The following HOOK3 variants were observed in gnomAD, a reference collection of about 807,000 sequenced individuals.
HOOK3 encodes hook microtubule tethering protein 3.
In HOOK3, 24 loss-of-function variants were observed where a neutral mutation model predicts 116.3. The ratio of observed to expected loss-of-function variants is 0.21; its 90% CI spans 0.15 to 0.29. HOOK3 has a LOEUF of 0.29. Among genes scored for constraint, HOOK3 ranks in the 10% least tolerant of loss-of-function variants. The pLI is 1.00. For synonymous variants in HOOK3, 275 were observed against 283.0 expected, an observed-to-expected ratio of 0.97 and a Z score of 0.28; for missense variants, 632 against 830.2, an observed-to-expected ratio of 0.76 and a Z score of 2.93.
chr8:43,023,525 T>A lies in HOOK3; in HGVS notation c.*5027T>A. The stretch of plus-strand genomic sequence containing the variant: ...TGGAGTGCAGAGGCACGATCCTGGC[T>A]GACTGCAAACTCTGCCTACCAGGTT... On this transcript the variant is annotated 3_prime_UTR_variant, in exon 22 of 22. Coordinates refer to ENST00000307602, the MANE Select transcript of HOOK3 (RefSeq NM_032410.4). The A allele has an allele frequency of 5.8e-6, 1 of 171,354 alleles. No individual in the cohort carries two copies. Among genetic ancestry groups the A allele is most frequent in the Non-Finnish European group, 1.3e-5 (1 of 79,112 alleles). The allele number at this position is 171,354 out of a possible 1,614,324, so 10.6% of individuals were successfully genotyped here. A position where few individuals can be genotyped will look rare whatever the true frequency, so the allele number is the denominator to read the frequency against.
intron 2 of HOOK3, among the ~76,000 whole-genome samples, chr8:42,918,779 G>T (rs1317564719): frequency 6.6e-6 from 1 of 152,226 alleles, no homozygotes; most frequent in Non-Finnish European, 1.5e-5. Context: ...CAAGGCAGAA[G>T]AATTTTTCTT....
At position 42,961,868 on chromosome 8, in the gene HOOK3, C is replaced by T. The variant is rs1048728919; in HGVS notation, c.616-2443C>T. Among the ~76,000 whole-genome samples the T allele has an allele frequency of 1.2e-4, 18 of 152,138 alleles. No individual in the cohort carries two copies. In the Middle Eastern group the frequency reaches 0.01, roughly 86 times the overall value. Reference sequence around the variant, plus strand: ...GTGGTGCAATCTTGGCTCACTGCAACCTCCGCCTCCTGGGCTAAAGCAATC... The same window carrying T: ...GTGGTGCAATCTTGGCTCACTGCAATCTCCGCCTCCTGGGCTAAAGCAATC... On this transcript the variant is annotated intron_variant, in intron 8 of 21. Transcript: ENST00000307602.
intron 13 of HOOK3, 92 bp downstream of exon 13, chr8:42,974,286 A>G (rs1808778500): frequency 1.1e-6 from 1 of 921,080 alleles, no homozygotes; most frequent in Non-Finnish European, 1.8e-6. Context: ...GTGCAATGGC[A>G]CTGTCTTGGC....
At chr8:42,907,957 A>G (rs1428928255) in intron 2 of HOOK3, among the ~76,000 whole-genome samples, 3 of 152,168 alleles carry the variant, frequency 2.0e-5, no homozygotes, top group African/African-American at 7.2e-5. Context: ...GACCTGGTAA[A>G]TGAATACAGT....
At chr8:42,993,169 C>T (rs757244647) in intron 15 of HOOK3, among the ~76,000 whole-genome samples, 1 of 152,126 alleles carries the variant, frequency 6.6e-6, no homozygotes, top group South Asian at 2.1e-4. Flanking sequence ...CCCATTTGGT[C>T]ATAATAAATG....
intron 6 of HOOK3, among the ~76,000 whole-genome samples, chr8:42,953,491 G>A (rs1808380072): frequency 6.6e-6 from 1 of 151,688 alleles, no homozygotes; most frequent in Admixed American, 6.6e-5. Context: ...TTCAATTTGG[G>A]AGCCGGAGGT....
At chr8:42,925,132 CTG>C (rs1716636519) in intron 2 of HOOK3, among the ~76,000 whole-genome samples, 1 of 152,012 alleles carries the variant, frequency 6.6e-6, no homozygotes, top group South Asian at 2.1e-4. Flanking sequence ...GGGTCTCACT[CTG>C]TTGCCCAGGC....
intron 5 of HOOK3, 95 bp from the exon 6 acceptor site, chr8:42,950,293 G>A: frequency 1.3e-6 from 1 of 799,664 alleles, no homozygotes; most frequent in Non-Finnish European, 2.1e-6. Context: ...CAAAACACAG[G>A]GAAATGACTT....
chr8:42,950,257 G>C, intron 5 of HOOK3, 131 bp from the exon 6 acceptor site: 1 of 638,328 alleles, frequency 1.6e-6, no homozygotes, highest in Non-Finnish European at 2.8e-6. Flanking sequence ...ACATTTAATG[G>C]TGTATGTGGG....
At chr8:42,984,185 T>A (rs1009154901) in intron 14 of HOOK3, among the ~76,000 whole-genome samples, 1 of 151,990 alleles carries the variant, frequency 6.6e-6, no homozygotes, top group Non-Finnish European at 1.5e-5. Context: ...CTGACCAACA[T>A]GGCGAAACCC....
intron 6 of HOOK3, among the ~76,000 whole-genome samples, chr8:42,956,680 G>A (rs907416821): frequency 2.6e-5 from 4 of 152,142 alleles, no homozygotes; most frequent in Non-Finnish European, 5.9e-5. Flanking sequence ...CGCCTCCCAG[G>A]TTCAAGTGAT....
At chr8:42,899,203 CT>C (rs1350886136) in intron 1 of HOOK3, among the ~76,000 whole-genome samples, 3 of 152,286 alleles carry the variant, frequency 2.0e-5, no homozygotes, top group Non-Finnish European at 4.4e-5. Context: ...TGAAGGCCTG[CT>C]GACAGAACCT....
intron 15 of HOOK3, among the ~76,000 whole-genome samples, chr8:42,987,361 A>G (rs1419004027): frequency 6.6e-6 from 1 of 152,174 alleles, no homozygotes; most frequent in Admixed American, 6.6e-5. Context: ...CCAGAGCTCT[A>G]CCATTTACCC....
intron 8 of HOOK3, among the ~76,000 whole-genome samples, chr8:42,961,560 A>G (rs987547822): frequency 1.3e-5 from 2 of 152,228 alleles, no homozygotes; most frequent in African/African-American, 4.8e-5. Flanking sequence ...GAATGACTCA[A>G]GTTGCTATAA....
intron 1 of HOOK3, among the ~76,000 whole-genome samples, chr8:42,897,933 G>A (rs1423577442): frequency 1.3e-5 from 2 of 152,194 alleles, no homozygotes; most frequent in Admixed American, 6.5e-5. Context: ...CGCGGCCGGG[G>A]AGGGGGAGGG....
Position 43,012,943 on chromosome 8 carries a change from T to A in HOOK3, c.1840-108T>A, listed in dbSNP as rs991685561. 29 of 732,654 alleles carry A rather than the reference T, an allele frequency of 4.0e-5. No individual in the cohort carries two copies. In the South Asian group the frequency reaches 5.7e-4, roughly 14 times the overall value. 45.4% of individuals were successfully genotyped at this position (732,654 alleles called of 1,614,324 possible). On this transcript the variant is annotated intron_variant, in intron 19 of 21. Coordinates refer to ENST00000307602, the MANE Select transcript of HOOK3 (RefSeq NM_032410.4). ...ATACCCTTGTAAGATAACCTTTGATTTTTCATAAGTTTATCCTTTTATTTT... is the reference window on the plus strand; with the variant it reads ...ATACCCTTGTAAGATAACCTTTGATATTTCATAAGTTTATCCTTTTATTTT...
chr8:43,013,538 T>A, intron 21 of HOOK3, 138 bp downstream of exon 21: 1 of 647,042 alleles, frequency 1.5e-6, no homozygotes, highest in Non-Finnish European at 2.4e-6. Flanking sequence ...AACAGAATCT[T>A]AATGTTATTT....
rs1810000005 is a variant in HOOK3 at position 43,029,967 on chromosome 8, T to G, written c.*11469T>G. 1 of 214,154 alleles carries G rather than the reference T, an allele frequency of 4.7e-6. No homozygotes were observed. The highest frequency in any genetic ancestry group is 1.9e-4 in the South Asian group (1 of 5,372). The allele number at this position is 214,154 out of a possible 1,614,324, so 13.3% of individuals were successfully genotyped here. A position where few individuals can be genotyped will look rare whatever the true frequency, so the allele number is the denominator to read the frequency against. On this transcript the variant is annotated 3_prime_UTR_variant, in exon 22 of 22. Transcript: ENST00000307602. ...GCAAAAAGGATATTGCTAGGTATAT[T>G]CTTATTTCTGATTGAGTATTGAATT...
chr8:42,950,330 G>T, intron 5 of HOOK3, 58 bp from the exon 6 acceptor site: 2 of 1,122,986 alleles, frequency 1.8e-6, no homozygotes, highest in Non-Finnish European at 2.7e-6. Flanking sequence ...TATGAGCCTT[G>T]ATTCCCTTGA....
Sources: allele counts gnomAD v4.1 joint callset (sites outside exome capture counted in the v4.1 genomes callset), GRCh38; gene constraint gnomAD v4.1.1; transcripts MANE v1.5; gene names NCBI Gene and HGNC (gene_info 2026-07-23, HGNC 2026-07-21).